Variants in KIRREL3 observed in about 807,000 individuals in gnomAD.
The protein encoded by KIRREL3 is kin of IRRE-like protein 3.
Under a neutral mutation model 89.7 loss-of-function variants are expected in KIRREL3, and 36 were observed. The observed-to-expected ratio is 0.40, with a 90% CI of 0.31 to 0.53. The LOEUF (loss-of-function observed/expected upper bound fraction) is 0.53, where lower values mean the gene tolerates loss of function less well. KIRREL3 is among the 20% of genes least tolerant of loss of function. The probability of loss-of-function intolerance (pLI) is 0.49; values close to 1 mark genes in which losing one functional copy is unlikely to be tolerated. For synonymous variants in KIRREL3, 445 were observed against 441.4 expected (o/e 1.01, Z -0.10); for missense variants, 864 against 1,056.6 (o/e 0.82, Z 2.53).
rs1051750546 is a variant in KIRREL3 at position 126,440,535 on chromosome 11, A to G, written c.1267T>C (p.Ser423Pro). ...AGGGCGTGCTGGGTCTGGGTGCTGG[A>G]GATGATGGGGGGTCCTGTTGAGAAA... The part of the protein sequence containing the change: ...TLTVNGPPII[S>P]STQTQHALHG... Residue 423 changes from serine to proline, a missense_variant, in exon 11 of 17, where the codon TCC becomes CCC. By Grantham distance (74) the Ser-to-Pro change is moderately conservative (BLOSUM62 -1). Transcript: ENST00000525144. The G allele has an allele frequency of 1.9e-6, 3 of 1,599,872 alleles. No homozygotes were observed. The highest frequency in any genetic ancestry group is 1.7e-5 in the Admixed American group (1 of 58,034).
In KIRREL3 at chr11:126,535,778, G is replaced by T. The variant is rs1937808096; in HGVS notation, c.134-9091C>A. Among the ~76,000 whole-genome samples the T allele has an allele frequency of 6.6e-6, 1 of 152,108 alleles. No individual in the cohort carries two copies. The highest frequency in any genetic ancestry group is 2.1e-4 in the South Asian group (1 of 4,828). On this transcript the variant is annotated intron_variant, in intron 2 of 16. Transcript: ENST00000525144. This position sits in a 1 kb window ranked among gnomAD's most constrained non-coding sequence, Gnocchi z 4.5. ...GGCGGGTGGATCACCTGAGGTCAGG[G>T]GTTCGAGACCAGCCTGACCAACATG...
At chr11:126,984,473 G>T (rs1949801576) in intron 1 of KIRREL3, among the ~76,000 whole-genome samples, 5 of 152,136 alleles carry the variant, frequency 3.3e-5, no homozygotes, top group Admixed American at 3.3e-4. Flanking sequence ...GCAGTGCAGG[G>T]GGGTCACAGC....
At chr11:126,692,420 C>T (rs148937594) in intron 1 of KIRREL3, among the ~76,000 whole-genome samples, 5 of 151,642 alleles carry the variant, frequency 3.3e-5, no homozygotes, top group Admixed American at 2.6e-4. Context: ...TGGCACACAC[C>T]TGTAGTCTCA....
chr11:126,836,730 G>A (rs1260933277), intron 1 of KIRREL3, among the ~76,000 whole-genome samples: 1 of 152,162 alleles, frequency 6.6e-6, no homozygotes, highest in Non-Finnish European at 1.5e-5. Flanking sequence ...AGTGCACAAG[G>A]TGGACGTTAT....
chr11:126,972,444 C>T (rs528613720), intron 1 of KIRREL3, among the ~76,000 whole-genome samples: 30 of 152,270 alleles, frequency 2.0e-4, no homozygotes, highest in Admixed American at 2.6e-4. Flanking sequence ...ACCATGATTC[C>T]GTCACTGCTA....
rs934741062 is a variant in KIRREL3, at chr11:126,996,904, G to A, written c.55+3551C>T. 8.5e-5 allele frequency among the ~76,000 whole-genome samples: 13 copies of A among 152,206 alleles called. No individual in the cohort carries two copies. Among genetic ancestry groups the A allele is most frequent in the Admixed American group, 7.9e-4 (12 of 15,286 alleles). The stretch of plus-strand genomic sequence containing the variant: ...ACAGAATCACAAGGCAGGACAGGAC[G>A]CTCTAGGAATGCCAGAGCAAAATGC... On this transcript the variant is annotated intron_variant, in intron 1 of 16. Transcript: ENST00000525144. The surrounding 1 kb of genome is among the most constrained non-coding windows in gnomAD (Gnocchi z 4.7).
In KIRREL3 at chr11:126,728,641, G is replaced by A. The variant is rs534077893; in HGVS notation, c.56-165729C>T. On this transcript the variant is annotated intron_variant, in intron 1 of 16. Coordinates refer to ENST00000525144, the MANE Select transcript of KIRREL3 (RefSeq NM_032531.4). ...CCAGTGTAGGGCCCACAGGAACCTG[G>A]ACCACCTTGACTCTTTGTATAGGGA... 9.9e-5 allele frequency among the ~76,000 whole-genome samples: 15 copies of A among 152,264 alleles called. No individual in the cohort carries two copies. The South Asian group carries it at 2.7e-3, about 27-fold the overall frequency.
At chr11:126,842,868 C>T (rs1944011304) in intron 1 of KIRREL3, among the ~76,000 whole-genome samples, 1 of 152,326 alleles carries the variant, frequency 6.6e-6, no homozygotes, top group East Asian at 1.9e-4. Context: ...GACTCAATAT[C>T]ATATCCTTTC....
chr11:126,970,325 C>T lies in KIRREL3; in HGVS notation c.55+30130G>A, dbSNP rs760331522. Among the ~76,000 whole-genome samples the T allele has an allele frequency of 6.6e-6, 1 of 152,080 alleles. No homozygotes were observed. Among genetic ancestry groups the T allele is most frequent in the Non-Finnish European group, 1.5e-5 (1 of 68,008 alleles). ...TTCCTTCTTTTCTTCCCTTTCTTTT[C>T]TCTCTCACATTATCTTGTTTATGAA... On this transcript the variant is annotated intron_variant, in intron 1 of 16. Transcript: ENST00000525144. The surrounding 1 kb of genome is among the most constrained non-coding windows in gnomAD (Gnocchi z 4.4).
rs1297778200 is a variant in KIRREL3, at chr11:126,620,686, A to G, written c.56-57774T>C. ...ACAATTAGTTCCTTCCTGGTCCCAC[A>G]TTCATTCCCTTGCTGCCTTCTTCAA... On this transcript the variant is annotated intron_variant, in intron 1 of 16. Transcript: ENST00000525144. This position sits in a 1 kb window ranked among gnomAD's most constrained non-coding sequence, Gnocchi z 4.8. Among the ~76,000 whole-genome samples the G allele has an allele frequency of 5.9e-5, 9 of 152,206 alleles. No individual in the cohort carries two copies. The highest frequency in any genetic ancestry group is 1.3e-4 in the Non-Finnish European group (9 of 68,030).
rs1206286549 is a variant in KIRREL3, at chr11:126,520,415, T to C, written c.433+900A>G. On this transcript the variant is annotated intron_variant, in intron 4 of 16. Transcript: ENST00000525144. This position sits in a 1 kb window ranked among gnomAD's most constrained non-coding sequence, Gnocchi z 4.9. ...AGCTCTTTGCATCTGTGGGCCTTAGTATCTCATCTGGGGTAACAGTCCCTG... is the reference window on the plus strand; with the variant it reads ...AGCTCTTTGCATCTGTGGGCCTTAGCATCTCATCTGGGGTAACAGTCCCTG... Among the ~76,000 whole-genome samples, 1 of 152,164 alleles carries C rather than the reference T, an allele frequency of 6.6e-6. No homozygotes were observed. The highest frequency in any genetic ancestry group is 1.5e-5 in the Non-Finnish European group (1 of 68,026).
At chr11:126,951,630 A>G (rs1293240296) in intron 1 of KIRREL3, among the ~76,000 whole-genome samples, 1 of 152,230 alleles carries the variant, frequency 6.6e-6, no homozygotes, top group Non-Finnish European at 1.5e-5. Context: ...CCAATGAGAA[A>G]TGCATGCCTA....
In KIRREL3 at chr11:126,922,121, G is replaced by GTCTGTCTGTCTGTCTATCTATCTATCTA. The variant is rs61078651; in HGVS notation, c.55+78333_55+78334insTAGATAGATAGATAGACAGACAGACAGA. Among the ~76,000 whole-genome samples, 5 of 140,082 alleles carry GTCTGTCTGTCTGTCTATCTATCTATCTA rather than the reference G, an allele frequency of 3.6e-5. No homozygotes were observed. The South Asian group carries it at 7.3e-4, about 20-fold the overall frequency. The allele number at this position is 140,082 out of a possible 152,430, so 91.9% of individuals were successfully genotyped here. A position where few individuals can be genotyped will look rare whatever the true frequency, so the allele number is the denominator to read the frequency against. On this transcript the variant is annotated intron_variant, in intron 1 of 16. Coordinates refer to ENST00000525144, the MANE Select transcript of KIRREL3 (RefSeq NM_032531.4). Reference sequence around the variant, plus strand: ...TATCTATCGATCTATCTATCTGTCTGTCTATCTATCTATCTATCTATCTAT... The same window carrying GTCTGTCTGTCTGTCTATCTATCTATCTA: ...TATCTATCGATCTATCTATCTGTCTGTCTGTCTGTCTGTCTATCTATCTATCTATCTATCTATCTATCTATCTATCTAT...
chr11:126,432,649 C>G lies in KIRREL3; in HGVS notation c.1589-1123G>C, dbSNP rs566296060. Among the ~76,000 whole-genome samples the G allele has an allele frequency of 6.6e-6, 1 of 152,048 alleles. No individual in the cohort carries two copies. Among genetic ancestry groups the G allele is most frequent in the African/African-American group, 2.4e-5 (1 of 41,386 alleles). ...TGAGATCCCCCACATCTCATGTGCT[C>G]GGTACCGCCCAGACTGCTGCTGCTC... On this transcript the variant is annotated intron_variant, in intron 13 of 16. Coordinates refer to ENST00000525144, the MANE Select transcript of KIRREL3 (RefSeq NM_032531.4). This position sits in a 1 kb window ranked among gnomAD's most constrained non-coding sequence, Gnocchi z 6.2.
rs1475860550 is a variant in KIRREL3, at chr11:126,719,951, A to C, written c.56-157039T>G. Reference sequence around the variant, plus strand: ...CCTCTGTCCAAACTTCTGATGGCTTAGGGTCAGGGTGTGGTCCCTCTGCCT... The same window carrying C: ...CCTCTGTCCAAACTTCTGATGGCTTCGGGTCAGGGTGTGGTCCCTCTGCCT... On this transcript the variant is annotated intron_variant, in intron 1 of 16. Transcript: ENST00000525144. This position sits in a 1 kb window ranked among gnomAD's most constrained non-coding sequence, Gnocchi z 4.7. Among the ~76,000 whole-genome samples the C allele has an allele frequency of 2.0e-5, 3 of 152,196 alleles. No homozygotes were observed. Among genetic ancestry groups the C allele is most frequent in the Non-Finnish European group, 4.4e-5 (3 of 68,032 alleles).
intron 1 of KIRREL3, among the ~76,000 whole-genome samples, chr11:126,698,644 G>A (rs774858972): frequency 3.9e-5 from 6 of 152,234 alleles, no homozygotes; most frequent in Non-Finnish European, 7.3e-5. Context: ...GGAGGAAGAG[G>A]AATGCAAATG....
chr11:126,426,765 C>T (rs1055626742), intron 15 of KIRREL3, among the ~76,000 whole-genome samples: 5 of 152,174 alleles, frequency 3.3e-5, no homozygotes, highest in African/African-American at 4.8e-5. Context: ...CTGCTTTCCT[C>T]GTTTCTTTTT....
intron 2 of KIRREL3, among the ~76,000 whole-genome samples, chr11:126,554,121 A>G (rs1485567025): frequency 1.3e-5 from 2 of 152,176 alleles, no homozygotes; most frequent in Admixed American, 1.3e-4. Context: ...TGAATTCCAC[A>G]GGCAGCATGA....
chr11:126,610,190 A>G lies in KIRREL3; in HGVS notation c.56-47278T>C, dbSNP rs1943068181. ...ACTGCAACCTTCGCCTCCCAGGTTC[A>G]AGCGATTCTCCTGCCTCAGCCTGCC... On this transcript the variant is annotated intron_variant, in intron 1 of 16. Transcript: ENST00000525144. The surrounding 1 kb of genome is among the most constrained non-coding windows in gnomAD (Gnocchi z 4.6). Among the ~76,000 whole-genome samples the G allele has an allele frequency of 6.6e-6, 1 of 152,106 alleles. No homozygotes were observed. The highest frequency in any genetic ancestry group is 2.1e-4 in the South Asian group (1 of 4,814).
Sources: gnomAD v4.1 joint callset for allele counts (sites outside exome capture counted in the v4.1 genomes callset) on GRCh38, gnomAD v4.1.1 for gene constraint, Gnocchi (gnomAD v3.1) non-coding constraint, MANE v1.5 for transcripts, NCBI Gene and HGNC (gene_info 2026-07-23, HGNC 2026-07-21) for gene names.